The following TMEM132D variants were observed in gnomAD, a reference collection of about 807,000 sequenced individuals.
TMEM132D encodes the protein transmembrane protein 132D.
A neutral mutation model predicts 62.3 loss-of-function variants in TMEM132D; 21 were observed. The ratio of observed to expected loss-of-function variants is 0.34; its 90% CI spans 0.24 to 0.49. The LOEUF (loss-of-function observed/expected upper bound fraction) is 0.49. TMEM132D is among the 20% of genes least tolerant of loss of function. The pLI, the probability that TMEM132D is intolerant of heterozygous loss-of-function variation, is 0.99. For missense variants in TMEM132D, 1,346 were observed against 1,402.8 expected (o/e 0.96, Z 0.65); for synonymous variants, 621 against 575.6 (o/e 1.08, Z -1.13).
chr12:129,298,208 C>T lies in TMEM132D; in HGVS notation c.1299+39426G>A, dbSNP rs185573905. Among the ~76,000 whole-genome samples, 307 of 152,210 alleles carry T rather than the reference C, an allele frequency of 2.0e-3. 1 individual carries two copies. The highest frequency in any genetic ancestry group is 6.9e-3 in the African/African-American group (287 of 41,540). On this transcript the variant is annotated intron_variant, in intron 4 of 8. Transcript: ENST00000422113. ...ACAAGGCAGAGAAAATGATCAATGT[C>T]TATCATAAGCAACGACAGGCTTGAG...
At chr12:129,603,850 CTA>C (rs779441633) in intron 2 of TMEM132D, among the ~76,000 whole-genome samples, 2 of 152,164 alleles carry the variant, frequency 1.3e-5, no homozygotes, top group African/African-American at 2.4e-5. Context: ...AATCATTCTA[CTA>C]TAAAGACACA....
chr12:129,747,599 CTT>C (rs1341188398), intron 1 of TMEM132D, among the ~76,000 whole-genome samples: 1 of 150,190 alleles, frequency 6.7e-6, no homozygotes, highest in African/African-American at 2.5e-5. Flanking sequence ...CACATGCACA[CTT>C]GACATACAGA....
chr12:129,366,001 C>T (rs1039562439), intron 3 of TMEM132D, among the ~76,000 whole-genome samples: 1 of 151,934 alleles, frequency 6.6e-6, no homozygotes, highest in Non-Finnish European at 1.5e-5. Flanking sequence ...CTTCCCTAAA[C>T]TTTAGTCACT....
At chr12:129,082,101 C>A in intron 6 of TMEM132D, 69 bp from the exon 7 acceptor site, 1 of 1,526,416 alleles carries the variant, frequency 6.6e-7, no homozygotes, top group Non-Finnish European at 8.8e-7. Flanking sequence ...GTGTGTGGAG[C>A]CTGGTGGGGG....
rs143644422 is a variant in TMEM132D at position 129,433,061 on chromosome 12, A to C, written c.1116-95244T>G. Among the ~76,000 whole-genome samples the C allele has an allele frequency of 3.1e-3, 472 of 152,310 alleles. 1 individual carries two copies. The highest frequency in any genetic ancestry group is 6.8e-3 in the Middle Eastern group (2 of 294). ...TGTATTTCGCTCCTTTGTACTCAAC[A>C]TGATGTCTCTGAGGCTCATCCATCT... is the stretch of plus-strand genomic sequence containing the variant. On this transcript the variant is annotated intron_variant, in intron 3 of 8. Transcript: ENST00000422113.
chr12:129,719,214 G>T (rs866016042), intron 1 of TMEM132D, among the ~76,000 whole-genome samples: 1 of 151,900 alleles, frequency 6.6e-6, no homozygotes, highest in Non-Finnish European at 1.5e-5. Flanking sequence ...AGCCGAGATC[G>T]CACGACTACA....
intron 2 of TMEM132D, among the ~76,000 whole-genome samples, chr12:129,532,630 C>T (rs902299239): frequency 2.0e-5 from 3 of 152,166 alleles, no homozygotes; most frequent in Non-Finnish European, 2.9e-5. Context: ...ATTTGGGGAG[C>T]GTTCCCTCCC....
intron 3 of TMEM132D, among the ~76,000 whole-genome samples, chr12:129,484,995 G>T (rs1260324807): frequency 6.6e-6 from 1 of 152,198 alleles, no homozygotes; most frequent in Non-Finnish European, 1.5e-5. Flanking sequence ...GTCACCTGCA[G>T]CCTCTCACCT....
At chr12:129,722,407 T>C (rs1486864160) in intron 1 of TMEM132D, among the ~76,000 whole-genome samples, 1 of 152,152 alleles carries the variant, frequency 6.6e-6, no homozygotes, top group East Asian at 1.9e-4. Context: ...GGTGTGAAAT[T>C]CCCACGGCTT....
At chr12:129,837,645 C>A (rs184771341) in intron 1 of TMEM132D, among the ~76,000 whole-genome samples, 1 of 152,260 alleles carries the variant, frequency 6.6e-6, no homozygotes, top group East Asian at 1.9e-4. Context: ...TTTTCCCCCA[C>A]CAAATGAAAA....
At chr12:129,436,335 A>G in intron 3 of TMEM132D, among the ~76,000 whole-genome samples, 1 of 152,236 alleles carries the variant, frequency 6.6e-6, no homozygotes, top group East Asian at 1.9e-4. Flanking sequence ...TGTCAAAACT[A>G]ATCATAGCTA....
chr12:129,204,594 GA>G (rs1878792333), intron 5 of TMEM132D, among the ~76,000 whole-genome samples: 3 of 152,154 alleles, frequency 2.0e-5, no homozygotes, highest in Admixed American at 2.0e-4. Flanking sequence ...AAGCAACTTG[GA>G]AAACATATTT....
chr12:129,166,169 G>C (rs980640609), intron 5 of TMEM132D, among the ~76,000 whole-genome samples: 7 of 152,186 alleles, frequency 4.6e-5, no homozygotes, highest in African/African-American at 1.4e-4. Context: ...TGCCCACAGG[G>C]CTTAGGCAGG....
At chr12:129,748,939 C>G (rs1306601695) in intron 1 of TMEM132D, among the ~76,000 whole-genome samples, 1 of 152,164 alleles carries the variant, frequency 6.6e-6, no homozygotes, top group Non-Finnish European at 1.5e-5. Context: ...CTGCCTGGAC[C>G]ATTCGTTCAT....
rs1877000874 is a variant in TMEM132D at position 129,149,170 on chromosome 12, T to G, written c.1443+60350A>C. On this transcript the variant is annotated intron_variant, in intron 5 of 8. Coordinates refer to ENST00000422113, the MANE Select transcript of TMEM132D (RefSeq NM_133448.3). The stretch of plus-strand genomic sequence containing the variant: ...CACGTTCTCACTCACAAGTGGGAGT[T>G]GAACAATGAGAACACATGGACACAG... Among the ~76,000 whole-genome samples the G allele has an allele frequency of 1.4e-5, 2 of 144,408 alleles. 1 individual carries two copies. The highest frequency in any genetic ancestry group is 4.3e-4 in the South Asian group (2 of 4,620). The allele number at this position is 144,408 out of a possible 152,430, so 94.7% of individuals were successfully genotyped here. A position where few individuals can be genotyped will look rare whatever the true frequency, so the allele number is the denominator to read the frequency against.
rs35842499 is a variant in TMEM132D, at chr12:129,356,147, A to ATTTTTTTTT, written c.1116-18339_1116-18331dup. ...GTCTGCTTCTAGAGAAACTGAAGGG[A>ATTTTTTTTT]TTTTTTTTTTTTTTTTTTTTTTTTT... is the stretch of plus-strand genomic sequence containing the variant. On this transcript the variant is annotated intron_variant, in intron 3 of 8. Coordinates refer to ENST00000422113, the MANE Select transcript of TMEM132D (RefSeq NM_133448.3). 1.1e-4 allele frequency among the ~76,000 whole-genome samples: 4 copies of ATTTTTTTTT among 36,546 alleles called. 1 individual carries two copies. Among genetic ancestry groups the ATTTTTTTTT allele is most frequent in the African/African-American group, 3.7e-4 (3 of 8,072 alleles). The allele number at this position is 36,546 out of a possible 152,430, so 24.0% of individuals were successfully genotyped here.
Position 129,730,971 on chromosome 12 carries a change from A to G in TMEM132D, c.80-30273T>C, listed in dbSNP as rs147302136. On this transcript the variant is annotated intron_variant, in intron 1 of 8. Transcript: ENST00000422113. ...TCATCTAGCAGATAGCCTACGTGGG[A>G]CCTCACTTTGTGATTGTGGGAGTCA... 3.2e-3 allele frequency among the ~76,000 whole-genome samples: 486 copies of G among 151,986 alleles called. 2 individuals carry two copies. The highest frequency in any genetic ancestry group is 0.011 in the African/African-American group (465 of 41,440).
chr12:129,374,154 A>G (rs911670594), intron 3 of TMEM132D, among the ~76,000 whole-genome samples: 3 of 152,132 alleles, frequency 2.0e-5, no homozygotes, highest in Non-Finnish European at 4.4e-5. Flanking sequence ...ACGGACATTT[A>G]TTTCTCAGCA....
intron 5 of TMEM132D, among the ~76,000 whole-genome samples, chr12:129,168,612 C>G (rs754710365): frequency 6.6e-6 from 1 of 152,174 alleles, no homozygotes; most frequent in Non-Finnish European, 1.5e-5. Flanking sequence ...GATGGACCCT[C>G]AAGTTCACCT....
Sources: gnomAD v4.1 joint callset for allele counts (sites outside exome capture counted in the v4.1 genomes callset) on GRCh38, gnomAD v4.1.1 for gene constraint, MANE v1.5 for transcripts, NCBI Gene and HGNC (gene_info 2026-07-23, HGNC 2026-07-21) for gene names.